The following CLYBL variants were observed in gnomAD, a reference collection of about 807,000 sequenced individuals.
CLYBL encodes the protein citramalyl-CoA lyase, mitochondrial.
CLYBL carries 31 observed loss-of-function variants against 38.9 expected under a neutral mutation model. The ratio of observed to expected loss-of-function variants is 0.80; its 90% CI spans 0.60 to 1.08. CLYBL has a LOEUF of 1.08. CLYBL is among the 50% of genes least tolerant of loss of function. CLYBL has a pLI of 0.00. For synonymous variants in CLYBL, 171 were observed against 158.6 expected, an observed-to-expected ratio of 1.08 and a Z score of -0.59; for missense variants, 434 against 411.6, an observed-to-expected ratio of 1.05 and a Z score of -0.47.
chr13:99,736,385 T>C (rs573834677), intron 1 of CLYBL, among the ~76,000 whole-genome samples: 66 of 152,080 alleles, frequency 4.3e-4, no homozygotes, highest in Non-Finnish European at 7.8e-4. Flanking sequence ...GTAAATCTCA[T>C]TGGAGAGCAA....
chr13:99,888,501 G>A (rs1429761678), intron 7 of CLYBL, among the ~76,000 whole-genome samples: 1 of 152,234 alleles, frequency 6.6e-6, no homozygotes, highest in East Asian at 1.9e-4. Flanking sequence ...TGTAATCCCA[G>A]CACTTTGGGA....
chr13:99,772,932 G>C lies in CLYBL; in HGVS notation c.171G>C (p.Lys57Asn). The C allele has an allele frequency of 6.2e-7, 1 of 1,613,776 alleles. No individual in the cohort carries two copies. The highest frequency in any genetic ancestry group is 8.5e-7 in the Non-Finnish European group (1 of 1,179,944). Residue 57 changes from lysine to asparagine, a missense_variant, in exon 2 of 9, where the codon AAG becomes AAC. Physicochemically the swap from Lys to Asn is moderately conservative, Grantham distance 94. Coordinates refer to ENST00000339105, the MANE Select transcript of CLYBL (RefSeq NM_206808.5). Reference sequence around the variant, plus strand: ...TTTATGTACCTGGAAATGATGAAAAGAAAATAAAGAAGATTCCATCCCTGA... The same window carrying C: ...TTTATGTACCTGGAAATGATGAAAACAAAATAAAGAAGATTCCATCCCTGA... ...AVLYVPGNDE[K>N]KIKKIPSLNV...
At chr13:99,696,781 CCAAAACAAAA>C (rs60889786) in intron 1 of CLYBL, among the ~76,000 whole-genome samples, 8 of 149,848 alleles carry the variant, frequency 5.3e-5, no homozygotes, top group African/African-American at 9.8e-5. Flanking sequence ...CCCATCTCTA[CCAAAACAAAA>C]CAAAACAAAA....
chr13:99,901,425 G>A (rs1485710976), downstream of CLYBL, among the ~76,000 whole-genome samples: 1 of 152,042 alleles, frequency 6.6e-6, no homozygotes, highest in Non-Finnish European at 1.5e-5. Flanking sequence ...CTGCTTGCAG[G>A]ACATTCCGCA....
chr13:99,897,682 AC>A (rs1158985643), downstream of CLYBL, among the ~76,000 whole-genome samples: 1 of 152,222 alleles, frequency 6.6e-6, no homozygotes, highest in African/African-American at 2.4e-5. Flanking sequence ...GCAGTGACTT[AC>A]GCCTGTAATC....
chr13:99,625,698 TA>T (rs1350418601), intron 1 of CLYBL, among the ~76,000 whole-genome samples: 5 of 152,222 alleles, frequency 3.3e-5, no homozygotes, highest in African/African-American at 1.2e-4. Flanking sequence ...CAGAAAATTC[TA>T]AAACATACCA....
chr13:99,612,551 C>G (rs2046642776), intron 1 of CLYBL, among the ~76,000 whole-genome samples: 1 of 151,960 alleles, frequency 6.6e-6, no homozygotes, highest in African/African-American at 2.4e-5. Context: ...CCATGTCTGG[C>G]TAATTTTTGT....
intron 2 of CLYBL, among the ~76,000 whole-genome samples, chr13:99,830,315 T>C (rs973088387): frequency 6.6e-6 from 1 of 152,148 alleles, no homozygotes; most frequent in African/African-American, 2.4e-5. Context: ...CTAAGGACAG[T>C]GGTTTAGATC....
chr13:99,771,634 G>A (rs2049397645), intron 1 of CLYBL, among the ~76,000 whole-genome samples: 1 of 152,152 alleles, frequency 6.6e-6, no homozygotes, highest in African/African-American at 2.4e-5. Flanking sequence ...TATGGAACAG[G>A]CAAGGGTGGT....
chr13:99,725,416 G>A (rs1284979109), intron 1 of CLYBL, among the ~76,000 whole-genome samples: 1 of 152,148 alleles, frequency 6.6e-6, no homozygotes, highest in Non-Finnish European at 1.5e-5. Flanking sequence ...AGCTTTCACT[G>A]GGGCTGTTGT....
At position 99,858,920 on chromosome 13, in the gene CLYBL, A is replaced by C. The variant is rs145306170; in HGVS notation, c.309A>C (p.Glu103Asp). Reference sequence around the variant, plus strand: ...AAGACATTGATCTGGGCCCTACTGAAAAATGTGTGAGAGTCAACTCAGTTT... The same window carrying C: ...AAGACATTGATCTGGGCCCTACTGACAAATGTGTGAGAGTCAACTCAGTTT... ...TLEDIDLGPT[E>D]KCVRVNSVSS... The change falls in exon 3 of 9, where the codon GAA becomes GAC. Residue 103 changes from glutamate (E) to aspartate (D), a missense_variant. Physicochemically the swap from Glu to Asp is conservative, Grantham distance 45. Transcript: ENST00000339105. 3.7e-6 allele frequency: 6 copies of C among 1,613,936 alleles called. No homozygotes were observed. The African/African-American group carries it at 8.0e-5, about 22-fold the overall frequency.
chr13:99,878,379 TA>T (rs2052105265), intron 7 of CLYBL, among the ~76,000 whole-genome samples: 1 of 152,236 alleles, frequency 6.6e-6, no homozygotes, highest in Non-Finnish European at 1.5e-5. Context: ...CAAACTGCTA[TA>T]AATGGCATTC....
intron 1 of CLYBL, among the ~76,000 whole-genome samples, chr13:99,667,741 AC>A (rs1261681698): frequency 4.1e-4 from 63 of 152,242 alleles, no homozygotes; most frequent in African/African-American, 1.5e-3. Flanking sequence ...GTCAAAATAA[AC>A]ATTCGCTCTT....
chr13:99,728,488 C>T (rs1372063053), intron 1 of CLYBL, among the ~76,000 whole-genome samples: 1 of 151,864 alleles, frequency 6.6e-6, no homozygotes, highest in Non-Finnish European at 1.5e-5. Flanking sequence ...CTGTGTTAGC[C>T]AGGATGTTCT....
intron 1 of CLYBL, among the ~76,000 whole-genome samples, chr13:99,623,958 C>CAAAAAAAA (rs754256330): frequency 1.6e-5 from 1 of 64,220 alleles, no homozygotes; most frequent in Non-Finnish European, 3.4e-5. Context: ...GACTCCATCT[C>CAAAAAAAA]AAAAAAAAAA....
Position 99,884,546 on chromosome 13 carries a change from G to A in CLYBL, c.928-6772G>A, listed in dbSNP as rs147807439. Among the ~76,000 whole-genome samples the A allele has an allele frequency of 9.6e-3, 1,465 of 152,314 alleles. 10 individuals are homozygous for A. Among genetic ancestry groups the A allele is most frequent in the Non-Finnish European group, 0.015 (1,039 of 68,024 alleles). On this transcript the variant is annotated intron_variant, in intron 7 of 8. Coordinates refer to ENST00000339105, the MANE Select transcript of CLYBL (RefSeq NM_206808.5). ...AACTCCCCTGTGCCTTGCTTTTGGA[G>A]CAAACGTTCTAGTTCTTAAGTAATA...
At position 99,748,595 on chromosome 13, in the gene CLYBL, A is replaced by G. The variant is rs192645544; in HGVS notation, c.63-24229A>G. ...GCTGGGATTACAGGCACCTGCCACTACACCCAGCTAACTTTTTGTATTTTT... is the reference window on the plus strand; with the variant it reads ...GCTGGGATTACAGGCACCTGCCACTGCACCCAGCTAACTTTTTGTATTTTT... On this transcript the variant is annotated intron_variant, in intron 1 of 8. Transcript: ENST00000339105. Among the ~76,000 whole-genome samples, 395 of 151,252 alleles carry G rather than the reference A, an allele frequency of 2.6e-3. 2 individuals carry two copies. Among genetic ancestry groups the G allele is most frequent in the African/African-American group, 9.0e-3 (373 of 41,304 alleles).
chr13:99,678,723 A>G (rs1219538299), intron 1 of CLYBL, among the ~76,000 whole-genome samples: 1 of 152,198 alleles, frequency 6.6e-6, no homozygotes, highest in Non-Finnish European at 1.5e-5. Context: ...GGAGACTTAC[A>G]TTGTGGGTTT....
chr13:99,686,002 G>A (rs899732651), intron 1 of CLYBL, among the ~76,000 whole-genome samples: 1 of 152,022 alleles, frequency 6.6e-6, no homozygotes, highest in Admixed American at 6.6e-5. Flanking sequence ...TTTCTCCTGC[G>A]TCCCTGTGAT....
Sources: gnomAD v4.1 joint callset for allele counts (sites outside exome capture counted in the v4.1 genomes callset) on GRCh38, gnomAD v4.1.1 for gene constraint, MANE v1.5 for transcripts, NCBI Gene and HGNC (gene_info 2026-07-23, HGNC 2026-07-21) for gene names.